The following MICAL2 variants were observed in gnomAD, a reference collection of about 807,000 sequenced individuals.
MICAL2 encodes microtubule associated monooxygenase, calponin and LIM domain containing 2.
MICAL2 carries 77 observed loss-of-function variants against 127.3 expected under a neutral mutation model. The observed-to-expected ratio is 0.60, with a 90% confidence interval of 0.50 to 0.73. The LOEUF (loss-of-function observed/expected upper bound fraction) is 0.73. MICAL2 is among the 30% of genes least tolerant of loss of function. The pLI is 0.00. For missense variants in MICAL2, 1,351 were observed against 1,434.4 expected (o/e 0.94, Z 0.94); for synonymous variants, 570 against 551.1 (o/e 1.03, Z -0.48).
chr11:12,252,106 C>A (rs1861625304), intron 22 of MICAL2, among the ~76,000 whole-genome samples: 1 of 152,128 alleles, frequency 6.6e-6, no homozygotes, highest in Non-Finnish European at 1.5e-5. Flanking sequence ...GCCTTTCCTC[C>A]CACAAAGCCC....
At chr11:12,287,351 A>G, downstream of MICAL2, 2 of 378,628 alleles carry the variant, frequency 5.3e-6, no homozygotes, top group East Asian at 7.5e-5. Context: ...AGCCTTTTCC[A>G]AGGGACTCAA....
At chr11:12,228,117 T>C (rs1225045328) in intron 15 of MICAL2, among the ~76,000 whole-genome samples, 1 of 152,106 alleles carries the variant, frequency 6.6e-6, no homozygotes, top group East Asian at 1.9e-4. Flanking sequence ...TCACCTGAGG[T>C]CAGGAGTTTG....
intron 3 of MICAL2, among the ~76,000 whole-genome samples, chr11:12,187,907 C>G (rs911812525): frequency 6.6e-6 from 1 of 152,000 alleles, no homozygotes; most frequent in Non-Finnish European, 1.5e-5. Context: ...AGGGGCAGTT[C>G]CCGGGGTGGG....
chr11:12,292,190 TCTC>T, downstream of MICAL2: 1 of 1,613,898 alleles, frequency 6.2e-7, no homozygotes, highest in Non-Finnish European at 8.5e-7. Flanking sequence ...TAAGGACCCT[TCTC>T]CTTCTCTTCC....
intron 21 of MICAL2, among the ~76,000 whole-genome samples, chr11:12,247,127 T>A (rs1027301003): frequency 1.3e-5 from 2 of 152,192 alleles, no homozygotes; most frequent in South Asian, 4.2e-4. Context: ...GCGTTCGGAC[T>A]CCCAGGCCAG....
At chr11:12,294,797 GCT>G, downstream of MICAL2, 2 of 1,497,988 alleles carry the variant, frequency 1.3e-6, no homozygotes, top group Non-Finnish European at 1.8e-6. Flanking sequence ...GCGCCAGGCA[GCT>G]CCTCCTCCTC....
chr11:12,226,409 C>G (rs1421459370), intron 14 of MICAL2, 39 bp downstream of exon 14: 1 of 1,589,926 alleles, frequency 6.3e-7, no homozygotes. Context: ...GCCCCTTGAG[C>G]CAACTCTGTC....
At chr11:12,122,515 TCTC>T (rs1449323421) in intron 1 of MICAL2, among the ~76,000 whole-genome samples, 2 of 152,276 alleles carry the variant, frequency 1.3e-5, no homozygotes, top group Admixed American at 6.5e-5. Flanking sequence ...TTCAAGCAAT[TCTC>T]CTGCCTCAGC....
chr11:12,350,424 T>C lies in MICAL2; in HGVS notation c.5615+487T>C, dbSNP rs903577912. Among the ~76,000 whole-genome samples the C allele has an allele frequency of 3.9e-5, 6 of 152,170 alleles. No homozygotes were observed. In the East Asian group the frequency reaches 9.6e-4, roughly 24 times the overall value. On this transcript the variant is annotated intron_variant, in intron 33 of 34. Coordinates refer to the MICAL2 transcript ENST00000646065. ...TCGTTGGGAGACCAAAAAGTGGAGA[T>C]GGATGTCACCACACTCTGAAAAAGC...
chr11:12,242,118 A>G (rs2403615), intron 18 of MICAL2, 96 bp from the exon 19 acceptor site: 172,381 of 1,026,918 alleles, frequency 0.17, 15,457 homozygotes, highest in South Asian at 0.27. Context: ...CACCTGGTGC[A>G]CCCTTTGTCT....
chr11:12,288,141 T>C (rs1196255782), downstream of MICAL2, among the ~76,000 whole-genome samples: 1 of 152,154 alleles, frequency 6.6e-6, no homozygotes, highest in African/African-American at 2.4e-5. Context: ...AGGGCTGCAC[T>C]CTTGGGCAGG....
chr11:12,264,300 G>A (rs1863510688), downstream of MICAL2, among the ~76,000 whole-genome samples: 1 of 152,188 alleles, frequency 6.6e-6, no homozygotes, highest in Admixed American at 6.5e-5. Flanking sequence ...AGTTGGCAGT[G>A]TGCTCATCAG....
intron 2 of MICAL2, among the ~76,000 whole-genome samples, chr11:12,143,355 G>A (rs181708632): frequency 7.0e-4 from 107 of 152,320 alleles, no homozygotes; most frequent in African/African-American, 2.4e-3. Flanking sequence ...GAGAGGAGGG[G>A]AGTTCAGAAG....
chr11:12,348,391 A>AT (rs1565312340), intron 32 of MICAL2, among the ~76,000 whole-genome samples: 2 of 152,084 alleles, frequency 1.3e-5, no homozygotes, highest in Non-Finnish European at 2.9e-5. Context: ...CAGTTGAGGA[A>AT]CCCACAGATT....
At chr11:12,158,207 A>C (rs1301507788) in intron 2 of MICAL2, among the ~76,000 whole-genome samples, 1 of 152,154 alleles carries the variant, frequency 6.6e-6, no homozygotes, top group Non-Finnish European at 1.5e-5. Context: ...AAAAAAGAAA[A>C]AATAGAAATC....
chr11:12,197,072 TTTC>T (rs1487825536), intron 3 of MICAL2, among the ~76,000 whole-genome samples: 2 of 152,232 alleles, frequency 1.3e-5, no homozygotes, highest in African/African-American at 4.8e-5. Flanking sequence ...TGTATCTGTT[TTTC>T]TTCTTCTCTA....
chr11:12,273,182 C>T (rs1038625667), upstream of MICAL2, among the ~76,000 whole-genome samples: 4 of 152,174 alleles, frequency 2.6e-5, no homozygotes, highest in African/African-American at 7.2e-5. Flanking sequence ...GTGCTGGTGT[C>T]GTAACCTCTC....
intron 33 of MICAL2, among the ~76,000 whole-genome samples, chr11:12,353,380 A>C (rs747873561): frequency 1.3e-5 from 2 of 151,966 alleles, no homozygotes; most frequent in African/African-American, 2.4e-5. Context: ...TGTTCTTCCA[A>C]CCTTTGGATG....
At position 12,316,283 on chromosome 11, in the gene MICAL2, A is replaced by G. The variant is rs142925855; in HGVS notation, c.5213-3413A>G. Among the ~76,000 whole-genome samples the G allele has an allele frequency of 2.0e-5, 3 of 152,134 alleles. No individual in the cohort carries two copies. The East Asian group carries it at 5.8e-4, about 29-fold the overall frequency. On this transcript the variant is annotated intron_variant, in intron 29 of 34. Coordinates refer to the MICAL2 transcript ENST00000646065. ...TATATTTAGTGAAAATGTTGACAGT[A>G]ATTGTTTCAATACATTAACATGAGA...
Sources: gnomAD v4.1 joint callset for allele counts (sites outside exome capture counted in the v4.1 genomes callset) on GRCh38, gnomAD v4.1.1 for gene constraint, MANE v1.5 for transcripts, NCBI Gene and HGNC (gene_info 2026-07-23, HGNC 2026-07-21) for gene names.